The following MAGI2 variants were observed in gnomAD, a reference collection of about 807,000 sequenced individuals.
MAGI2 encodes membrane-associated guanylate kinase, WW and PDZ domain-containing protein 2.
MAGI2 carries 35 observed loss-of-function variants against 133.3 expected under a neutral mutation model. That is an observed-to-expected ratio of 0.26 (90% CI 0.20 to 0.35). The LOEUF (loss-of-function observed/expected upper bound fraction) is 0.35. Ranked by LOEUF, MAGI2 falls within the 10% of genes least tolerant of loss-of-function variation. MAGI2 has a pLI of 1.00. For missense variants in MAGI2, 1,636 were observed against 1,863.4 expected (o/e 0.88, Z 2.25); for synonymous variants, 729 against 710.6 (o/e 1.03, Z -0.41).
chr7:78,930,834 C>T (rs1164604514), intron 2 of MAGI2, among the ~76,000 whole-genome samples: 1 of 152,092 alleles, frequency 6.6e-6, no homozygotes, highest in East Asian at 1.9e-4. Context: ...GTTTCCTATT[C>T]TCCTCACTTA....
intron 1 of MAGI2, among the ~76,000 whole-genome samples, chr7:79,361,464 T>G (rs1185317370): frequency 1.3e-5 from 2 of 152,204 alleles, no homozygotes; most frequent in Non-Finnish European, 1.5e-5. Flanking sequence ...ATATCGTATT[T>G]TCCAAGGCTA....
intron 9 of MAGI2, among the ~76,000 whole-genome samples, chr7:78,288,286 T>G (rs181526533): frequency 5.3e-5 from 8 of 152,254 alleles, no homozygotes; most frequent in Non-Finnish European, 1.0e-4. Flanking sequence ...AAATAATATT[T>G]AAATAATAAA....
chr7:79,157,330 CA>C (rs1823873527), intron 1 of MAGI2, among the ~76,000 whole-genome samples: 1 of 151,616 alleles, frequency 6.6e-6, no homozygotes, highest in Non-Finnish European at 1.5e-5. Context: ...GGGAAATTCC[CA>C]ACAAAAATTA....
chr7:79,160,344 T>C (rs1371372610), intron 1 of MAGI2, among the ~76,000 whole-genome samples: 2 of 152,032 alleles, frequency 1.3e-5, no homozygotes, highest in Admixed American at 1.3e-4. Context: ...ACAATTAAGC[T>C]TGGGCAACAA....
At chr7:78,659,647 G>T (rs1422897815) in intron 2 of MAGI2, among the ~76,000 whole-genome samples, 1 of 151,964 alleles carries the variant, frequency 6.6e-6, no homozygotes, top group Non-Finnish European at 1.5e-5. Context: ...GGATGCAGGT[G>T]GTAGGGAAAT....
chr7:78,543,747 ATCT>A (rs1251213576), intron 3 of MAGI2, among the ~76,000 whole-genome samples: 2 of 152,206 alleles, frequency 1.3e-5, no homozygotes, highest in Non-Finnish European at 2.9e-5. Context: ...TCCTCCAACA[ATCT>A]TCTTGTGCTC....
In MAGI2 at chr7:78,717,521, G is replaced by A. The variant is rs578111032; in HGVS notation, c.419-90282C>T. The stretch of plus-strand genomic sequence containing the variant: ...GATGTGAATCGTGTGTGCTTTCAAC[G>A]TACTAGCTGTGAATGAACTTAGGCT... On this transcript the variant is annotated intron_variant, in intron 2 of 21. Coordinates refer to ENST00000354212, the MANE Select transcript of MAGI2 (RefSeq NM_012301.4). Among the ~76,000 whole-genome samples the A allele has an allele frequency of 4.9e-4, 74 of 152,202 alleles. 1 individual carries two copies. Among genetic ancestry groups the A allele is most frequent in the Admixed American group, 3.6e-3 (55 of 15,278 alleles).
At chr7:78,915,440 G>A (rs140358370) in intron 2 of MAGI2, among the ~76,000 whole-genome samples, 188 of 152,064 alleles carry the variant, frequency 1.2e-3, no homozygotes, top group Admixed American at 2.1e-3. Flanking sequence ...TTGAAAAGAT[G>A]CATATAAATA....
At chr7:78,953,252 A>G (rs1028991978) in intron 2 of MAGI2, among the ~76,000 whole-genome samples, 1 of 152,174 alleles carries the variant, frequency 6.6e-6, no homozygotes, top group African/African-American at 2.4e-5. Context: ...GGCATCTGGT[A>G]TCCATCTGAA....
At chr7:79,083,649 T>C (rs983619255) in intron 1 of MAGI2, among the ~76,000 whole-genome samples, 1 of 151,682 alleles carries the variant, frequency 6.6e-6, no homozygotes, top group African/African-American at 2.4e-5. Context: ...TTTATGTATT[T>C]GTTGGGTTAT....
chr7:79,385,830 G>T (rs772793935), intron 1 of MAGI2, among the ~76,000 whole-genome samples: 1 of 151,938 alleles, frequency 6.6e-6, no homozygotes, highest in Non-Finnish European at 1.5e-5. Flanking sequence ...TAAATAAGTA[G>T]ATTGTAGCTG....
At chr7:78,043,701 T>C (rs1465431983) in intron 21 of MAGI2, among the ~76,000 whole-genome samples, 1 of 152,246 alleles carries the variant, frequency 6.6e-6, no homozygotes, top group Non-Finnish European at 1.5e-5. Flanking sequence ...CATCGTCGTT[T>C]GCTTAGGAAA....
At chr7:79,194,201 C>G (rs778932884) in intron 1 of MAGI2, among the ~76,000 whole-genome samples, 1 of 151,800 alleles carries the variant, frequency 6.6e-6, no homozygotes, top group Non-Finnish European at 1.5e-5. Context: ...ACTGATTCAT[C>G]GAAGATTTAT....
chr7:79,345,838 A>AT (rs1841273782), intron 1 of MAGI2, among the ~76,000 whole-genome samples: 1 of 152,006 alleles, frequency 6.6e-6, no homozygotes, highest in African/African-American at 2.4e-5. Flanking sequence ...ATTTTCATTC[A>AT]TTTTGCATTC....
chr7:78,573,195 TATATATATAA>T (rs1482621412), intron 3 of MAGI2, among the ~76,000 whole-genome samples: 1 of 87,512 alleles, frequency 1.1e-5, no homozygotes, highest in East Asian at 3.0e-4. Flanking sequence ...CTTTTATATA[TATATATATAA>T]ATATATATAT....
intron 1 of MAGI2, among the ~76,000 whole-genome samples, chr7:79,300,191 T>C (rs981669908): frequency 6.6e-6 from 1 of 152,170 alleles, no homozygotes; most frequent in Non-Finnish European, 1.5e-5. Context: ...GGGCAGAGGT[T>C]AGAAGAGTTT....
At chr7:78,476,084 G>A (rs2150440281) in intron 6 of MAGI2, among the ~76,000 whole-genome samples, 1 of 151,898 alleles carries the variant, frequency 6.6e-6, no homozygotes, top group Admixed American at 6.6e-5. Flanking sequence ...CATTTTTCAT[G>A]GCAAATAATT....
chr7:78,207,872 G>A (rs969937122), intron 10 of MAGI2, among the ~76,000 whole-genome samples: 2 of 151,980 alleles, frequency 1.3e-5, no homozygotes, highest in Non-Finnish European at 2.9e-5. Context: ...CATTTTTGTT[G>A]TTGTTGTTGT....
intron 9 of MAGI2, among the ~76,000 whole-genome samples, chr7:78,329,250 A>G (rs1788921357): frequency 6.6e-6 from 1 of 152,168 alleles, no homozygotes; most frequent in African/African-American, 2.4e-5. Context: ...AGTGCACTCT[A>G]TCTGTAATTT....
Sources: gnomAD v4.1 joint callset for allele counts (sites outside exome capture counted in the v4.1 genomes callset) on GRCh38, gnomAD v4.1.1 for gene constraint, MANE v1.5 for transcripts, NCBI Gene and HGNC (gene_info 2026-07-23, HGNC 2026-07-21) for gene names.